Variants in GRB7 observed in about 807,000 individuals in gnomAD.
The protein encoded by GRB7 is growth factor receptor bound protein 7, also known as growth factor receptor-bound protein 7.
Under a neutral mutation model 64.1 loss-of-function variants are expected in GRB7, and 47 were observed. That is an observed-to-expected ratio of 0.73 (90% confidence interval 0.58 to 0.94). The LOEUF is 0.94. GRB7 is among the 40% of genes least tolerant of loss of function. The probability of loss-of-function intolerance (pLI) is 0.00; values close to 1 mark genes in which losing one functional copy is unlikely to be tolerated. For synonymous variants in GRB7, 277 were observed against 279.9 expected, an observed-to-expected ratio of 0.99 and a Z score of 0.10; for missense variants, 634 against 718.4, an observed-to-expected ratio of 0.88 and a Z score of 1.34.
At chr17:39,743,534 C>A in intron 6 of GRB7, 64 bp downstream of exon 6, 1 of 1,293,774 alleles carries the variant, frequency 7.7e-7, no homozygotes, top group Non-Finnish European at 1.1e-6. Context: ...TGCTTCTCCA[C>A]CCTTAAGTCC....
Position 39,745,282 on chromosome 17 carries a change from T to C in GRB7, c.1051T>C (p.Ser351Pro), listed in dbSNP as rs766971333. ...QLYKNYQQAQ[S>P]RHLHPSCLGS... ...GTACAAGAATTACCAGCAGGCACAG[T>C]CTCGCCATCTGCATCCATCTTGTTT... Residue 351 changes from serine (S) to proline (P), a missense_variant, in exon 10 of 15, where the codon TCT becomes CCT. Physicochemically the swap from Ser to Pro is moderately conservative, Grantham distance 74. Transcript: ENST00000309156. 6 of 1,612,530 alleles carry C rather than the reference T, an allele frequency of 3.7e-6. No homozygotes were observed. Among genetic ancestry groups the C allele is most frequent in the Non-Finnish European group, 5.1e-6 (6 of 1,179,120 alleles).
At position 39,742,660 on chromosome 17, in the gene GRB7, C is replaced by T; in HGVS notation, c.250C>T (p.Leu84Phe). 1 of 1,605,678 alleles carries T rather than the reference C, an allele frequency of 6.2e-7. No homozygotes were observed. The highest frequency in any genetic ancestry group is 8.5e-7 in the Non-Finnish European group (1 of 1,175,476). ...LCSPPSQSPI[L>F]GGPSSARGLL... ...CAGTCCTCCCTCACAGAGCCCAATT[C>T]TCGGGGGCCCCTCCAGTGCAAGGGG... The change falls in exon 3 of 15, where the codon CTC becomes TTC. Residue 84 changes from leucine (L) to phenylalanine (F), a missense_variant. Physicochemically the swap from Leu to Phe is conservative, Grantham distance 22 (BLOSUM62 0). Around this residue, in one of 2 missense-constraint regions of GRB7, gnomAD observed 167 missense variants for 141.9 expected, o/e 1.18. Coordinates refer to ENST00000309156, the MANE Select transcript of GRB7 (RefSeq NM_005310.5).
chr17:39,738,827 A>T, intron 1 of GRB7: 1 of 1,378,014 alleles, frequency 7.3e-7, no homozygotes, highest in South Asian at 1.3e-5. Context: ...GCAGTGAAGG[A>T]GAGGGATCCT....
Position 39,744,604 on chromosome 17 carries a change from G to A in GRB7, c.853G>A (p.Val285Met), listed in dbSNP as rs767271125. The change falls in exon 8 of 15, where the codon GTG (valine) becomes ATG (methionine). Residue 285 changes from valine (V) to methionine (M), a missense_variant. Val to Met is a conservative substitution (Grantham distance 21). Around this residue, in one of 2 missense-constraint regions of GRB7, gnomAD observed 467 missense variants for 576.6 expected, o/e 0.81. Coordinates refer to ENST00000309156, the MANE Select transcript of GRB7 (RefSeq NM_005310.5). ...VADVNESNVY[V>M]VTQGRKLYGM... ...AGATGTGAACGAGTCCAACGTGTAC[G>A]TGGTGACGCAGGGCCGCAAGCTCTA... 21 of 1,612,130 alleles carry A rather than the reference G, an allele frequency of 1.3e-5. No individual in the cohort carries two copies. Among genetic ancestry groups the A allele is most frequent in the Middle Eastern group, 1.6e-4 (1 of 6,082 alleles).
intron 4 of GRB7, 59 bp from the exon 5 acceptor site, chr17:39,743,121 G>T (rs2060011604): frequency 6.2e-7 from 1 of 1,603,892 alleles, no homozygotes; most frequent in South Asian, 1.1e-5. Context: ...TAGGCATGTG[G>T]CTCATCCAGG....
At chr17:39,745,684 C>T in intron 11 of GRB7, 44 bp from the exon 12 acceptor site, 1 of 1,599,960 alleles carries the variant, frequency 6.3e-7, no homozygotes, top group East Asian at 2.2e-5. Context: ...GGGTAATGCC[C>T]CCAAGCACGC....
At position 39,745,956 on chromosome 17, in the gene GRB7, TGAG is replaced by T; in HGVS notation, c.1318_1320del (p.Glu440del). 6.2e-7 allele frequency: 1 copy of T among 1,613,840 alleles called. No homozygotes were observed. Among genetic ancestry groups the T allele is most frequent in the Admixed American group, 1.7e-5 (1 of 60,008 alleles). ...TCTGGTTCCACGGGCGCATTTCCCGTGAGGAGAGCCAGCGGCTTATTGGACAGC... is the reference window on the plus strand; with the variant it reads ...TCTGGTTCCACGGGCGCATTTCCCGTGAGAGCCAGCGGCTTATTGGACAGC... On this transcript the variant is annotated inframe_deletion, in exon 13 of 15. Transcript: ENST00000309156.
chr17:39,741,902 C>T (rs934544514), intron 1 of GRB7, among the ~76,000 whole-genome samples: 5 of 132,552 alleles, frequency 3.8e-5, no homozygotes, highest in Admixed American at 8.8e-5. Context: ...CCCAGTTACT[C>T]GGGAGGTTAA....
intron 1 of GRB7, chr17:39,738,866 A>G: frequency 6.5e-7 from 1 of 1,533,182 alleles, no homozygotes; most frequent in Non-Finnish European, 8.7e-7. Context: ...ATCTCTCCAG[A>G]TTGTATGCCC....
Position 39,742,603 on chromosome 17 carries a change from C to T in GRB7, c.193C>T (p.Pro65Ser), listed in dbSNP as rs1431570666. The change falls in exon 3 of 15, where the codon CCC (proline) becomes TCC (serine). Residue 65 changes from proline (P) to serine (S), a missense_variant. By Grantham distance (74) the Pro-to-Ser change is moderately conservative. Around this residue, in one of 2 missense-constraint regions of GRB7, gnomAD observed 167 missense variants for 141.9 expected, o/e 1.18. Coordinates refer to ENST00000309156, the MANE Select transcript of GRB7 (RefSeq NM_005310.5). ...GGAGGAGAGGCGTGCCACCTCCCTC[C>T]CCTCTATCCCCAACCCCTTCCCTGA... ...REEERRATSL[P>S]SIPNPFPELC... 3.1e-6 allele frequency: 5 copies of T among 1,613,814 alleles called. No individual in the cohort carries two copies. The South Asian group carries it at 3.3e-5, about 11-fold the overall frequency.
At chr17:39,743,963 C>T in intron 6 of GRB7, 107 bp from the exon 7 acceptor site, 4 of 1,404,226 alleles carry the variant, frequency 2.8e-6, no homozygotes, top group Non-Finnish European at 3.9e-6. Context: ...ACCGCACTAG[C>T]ATGAGACCCT....
In GRB7 at chr17:39,742,707, C is replaced by A; in HGVS notation, c.297C>A (p.Ser99Arg). The change falls in exon 3 of 15, where the codon AGC (serine) becomes AGA (arginine). Residue 99 changes from serine to arginine, a missense_variant. By Grantham distance (110) the Ser-to-Arg change is moderately radical (BLOSUM62 -1). Around this residue, in one of 2 missense-constraint regions of GRB7, gnomAD observed 167 missense variants for 141.9 expected, o/e 1.18. Coordinates refer to ENST00000309156, the MANE Select transcript of GRB7 (RefSeq NM_005310.5). ...GGGGGCTGCTCCCCCGCGATGCCAG[C>A]CGCCCCCATGTGAGTTGTCCCTCAG... ...SARGLLPRDA[S>R]RPHVVKVYSE... The A allele has an allele frequency of 6.4e-7, 1 of 1,560,752 alleles. No individual in the cohort carries two copies. The highest frequency in any genetic ancestry group is 8.7e-7 in the Non-Finnish European group (1 of 1,153,530).
Position 39,746,734 on chromosome 17 carries a change from C to T in GRB7, c.1453-17C>T. 4 of 1,613,236 alleles carry T rather than the reference C, an allele frequency of 2.5e-6. No individual in the cohort carries two copies. Among genetic ancestry groups the T allele is most frequent in the Non-Finnish European group, 3.4e-6 (4 of 1,179,464 alleles). On this transcript the variant is annotated splice_polypyrimidine_tract_variant and intron_variant, in intron 14 of 14. Coordinates refer to ENST00000309156, the MANE Select transcript of GRB7 (RefSeq NM_005310.5). ...CGGGCCCCTCCCTGAACTTCCACCC[C>T]CTTTACTGTACCCCAGAGCGAGGAG...
Position 39,743,247 on chromosome 17 carries a change from C to A in GRB7, c.531C>A (p.Ser177Arg). The change falls in exon 5 of 15, where the codon AGC (serine) becomes AGA (arginine). Residue 177 changes from serine to arginine, a missense_variant. Around this residue, in one of 2 missense-constraint regions of GRB7, gnomAD observed 467 missense variants for 576.6 expected, o/e 0.81. Coordinates refer to ENST00000309156, the MANE Select transcript of GRB7 (RefSeq NM_005310.5). ...VQAAWPVGGD[S>R]RFVFRKNFAK... Reference sequence around the variant, plus strand: ...CTGCCTGGCCCGTGGGCGGAGATAGCCGCTTCGTCTTCCGGAAAAACTTCG... The same window carrying A: ...CTGCCTGGCCCGTGGGCGGAGATAGACGCTTCGTCTTCCGGAAAAACTTCG... The A allele has an allele frequency of 6.2e-7, 1 of 1,614,150 alleles. No individual in the cohort carries two copies. Among genetic ancestry groups the A allele is most frequent in the Non-Finnish European group, 8.5e-7 (1 of 1,180,026 alleles).
rs2060055131 is a variant in GRB7, at chr17:39,747,070, C to A, written c.*173C>A. On this transcript the variant is annotated 3_prime_UTR_variant, in exon 15 of 15. Coordinates refer to ENST00000309156, the MANE Select transcript of GRB7 (RefSeq NM_005310.5). ...GCCTCCCTCAGATAGAAAACAGCCC[C>A]CACTCCAGTCCACTCCTGACCCCTC... The A allele has an allele frequency of 1.5e-6, 1 of 648,078 alleles. No homozygotes were observed. The allele number at this position is 648,078 out of a possible 1,614,324, so 40.1% of individuals were successfully genotyped here. A position where few individuals can be genotyped will look rare whatever the true frequency, so the allele number is the denominator to read the frequency against.
In GRB7 at chr17:39,743,431, C is replaced by T. The variant is rs545599174; in HGVS notation, c.624C>T (p.Leu208=). ...LFPEKMVSSC[L]DAHTGISHED... ...CAGAAAAAATGGTCTCCAGCTGTCT[C>T]GATGCACACACTGGTATATCCCATG... The change falls in exon 6 of 15, where the codon CTC becomes CTT. Residue 208 remains leucine, a synonymous_variant. Coordinates refer to ENST00000309156, the MANE Select transcript of GRB7 (RefSeq NM_005310.5). 1.5e-4 allele frequency: 244 copies of T among 1,614,144 alleles called. 4 individuals carry two copies. In the South Asian group the frequency reaches 2.4e-3, roughly 16 times the overall value.
In GRB7 at chr17:39,747,000, GGA is replaced by G. The variant is rs2060054461; in HGVS notation, c.*105_*106del. 6 of 1,279,762 alleles carry G rather than the reference GGA, an allele frequency of 4.7e-6. No homozygotes were observed. The highest frequency in any genetic ancestry group is 6.4e-6 in the Non-Finnish European group (6 of 933,352). The allele number at this position is 1,279,762 out of a possible 1,614,324, so 79.3% of individuals were successfully genotyped here. On this transcript the variant is annotated 3_prime_UTR_variant, in exon 15 of 15. Transcript: ENST00000309156. ...GGCGCGGCCACAGGGGACGGGATGA[GGA>G]GCGGGAGGGTTCCGCCACTCCAGTT...
intron 8 of GRB7, 67 bp downstream of exon 8, chr17:39,744,730 G>A: frequency 7.0e-7 from 1 of 1,422,342 alleles, no homozygotes; most frequent in Non-Finnish European, 9.7e-7. Flanking sequence ...CCTGGATCCT[G>A]CCCGGGGCTT....
Position 39,742,388 on chromosome 17 carries a change from G to A in GRB7, c.87G>A (p.Arg29=). 2 of 1,613,888 alleles carry A rather than the reference G, an allele frequency of 1.2e-6. No individual in the cohort carries two copies. Among genetic ancestry groups the A allele is most frequent in the South Asian group, 2.2e-5 (2 of 91,082 alleles). Residue 29 remains arginine (R), a synonymous_variant, in exon 2 of 15, where the codon CGG becomes CGA. Transcript: ENST00000309156. ...CTGGGACCCCTCCTGGGACTCCCCG[G>A]CCCCCTGATACCCCTCTGCCTGAGG... ...PAPGTPPGTP[R]PPDTPLPEEV...
Sources: allele counts gnomAD v4.1 joint callset (sites outside exome capture counted in the v4.1 genomes callset), GRCh38; gene constraint gnomAD v4.1.1; regional missense constraint gnomAD v4.1.1; transcripts MANE v1.5; gene names NCBI Gene and HGNC (gene_info 2026-07-23, HGNC 2026-07-21).